CDCP1: variants seen among roughly 807,000 people sequenced by gnomAD.
CDCP1 encodes the protein CUB domain containing protein 1, also known as CUB domain-containing protein 1.
A neutral mutation model predicts 60.2 loss-of-function variants in CDCP1; 29 were observed. That is an observed-to-expected ratio of 0.48 (90% confidence interval 0.36 to 0.66). The LOEUF (loss-of-function observed/expected upper bound fraction) is 0.66. CDCP1 is among the 30% of genes least tolerant of loss of function. CDCP1 has a pLI of 0.00. For synonymous variants in CDCP1, 387 were observed against 431.1 expected (o/e 0.90, Z 1.27); for missense variants, 876 against 1,074.3 (o/e 0.82, Z 2.58).
At chr3:45,109,396 C>T (rs1698649110) in intron 4 of CDCP1, among the ~76,000 whole-genome samples, 1 of 152,058 alleles carries the variant, frequency 6.6e-6, no homozygotes, top group South Asian at 2.1e-4. Context: ...CACGCCATTC[C>T]ACACTCCCAC....
chr3:45,122,205 G>A (rs908023227), intron 1 of CDCP1, among the ~76,000 whole-genome samples: 1 of 150,284 alleles, frequency 6.7e-6, no homozygotes, highest in African/African-American at 2.5e-5. Context: ...GTGCGGTGGC[G>A]CAACCTCGGC....
chr3:45,086,647 C>G (rs1288337468), intron 8 of CDCP1, among the ~76,000 whole-genome samples: 2 of 152,236 alleles, frequency 1.3e-5, no homozygotes, highest in Non-Finnish European at 2.9e-5. Context: ...CAGAGAGACC[C>G]AGTGCCTCAG....
chr3:45,112,431 G>A lies in CDCP1; in HGVS notation c.307C>T (p.Pro103Ser). ...IQKNIDCMSG[P>S]CPFGEVQLQP... ...AGCTGAACCTCCCCAAAAGGACATG[G>A]GCCTGACATACAGTCTGAAAAACAG... The change falls in exon 3 of 9, where the codon CCA becomes TCA. Residue 103 changes from proline (P) to serine (S), a missense_variant. This residue lies in a region of CDCP1 where 150 missense variants were observed against 138.6 expected (regional missense o/e 1.08). Transcript: ENST00000296129. 2 of 1,613,486 alleles carry A rather than the reference G, an allele frequency of 1.2e-6. No individual in the cohort carries two copies.
chr3:45,089,220 G>C (rs1698250375), intron 7 of CDCP1, 79 bp from the exon 8 acceptor site: 1 of 1,142,586 alleles, frequency 8.8e-7, no homozygotes, highest in South Asian at 1.3e-5. Flanking sequence ...ATCTCCAAAA[G>C]CAGCTGCCAT....
At chr3:45,107,066 GCT>G in intron 4 of CDCP1, among the ~76,000 whole-genome samples, 1 of 152,152 alleles carries the variant, frequency 6.6e-6, no homozygotes, top group African/African-American at 2.4e-5. Context: ...ATTCCTACCA[GCT>G]GCGGTCCACT....
chr3:45,122,184 C>T (rs905199282), intron 1 of CDCP1, among the ~76,000 whole-genome samples: 2 of 147,618 alleles, frequency 1.4e-5, no homozygotes, highest in African/African-American at 5.1e-5. Flanking sequence ...CACTCTGTTG[C>T]CCAGGCTGGA....
chr3:45,095,582 C>G lies in CDCP1; in HGVS notation c.1025-14G>C. On this transcript the variant is annotated splice_polypyrimidine_tract_variant and intron_variant, in intron 4 of 8. Transcript: ENST00000296129. ...CGTAGATTTTATCTGAAACCACAAACAGAAAACAGGCATGAAGCATGGATC... is the reference window on the plus strand; with the variant it reads ...CGTAGATTTTATCTGAAACCACAAAGAGAAAACAGGCATGAAGCATGGATC... The G allele has an allele frequency of 1.9e-6, 3 of 1,611,864 alleles. No homozygotes were observed. The highest frequency in any genetic ancestry group is 2.5e-6 in the Non-Finnish European group (3 of 1,178,114).
chr3:45,146,132 G>GC (rs1165504798), intron 1 of CDCP1, 74 bp downstream of exon 1: 2 of 1,320,296 alleles, frequency 1.5e-6, no homozygotes, highest in Non-Finnish European at 2.1e-6. Flanking sequence ...TCCCTCGGCC[G>GC]CATCTCCGCC....
At chr3:45,141,187 T>G (rs1453121600) in intron 1 of CDCP1, among the ~76,000 whole-genome samples, 1 of 148,124 alleles carries the variant, frequency 6.8e-6, no homozygotes, top group Non-Finnish European at 1.5e-5. Flanking sequence ...GGCAACAGAG[T>G]AAGACTCCGT....
At chr3:45,105,656 C>T (rs73089328) in intron 4 of CDCP1, among the ~76,000 whole-genome samples, 9,259 of 152,180 alleles carry the variant, frequency 0.061, 327 homozygotes, top group African/African-American at 0.091. Flanking sequence ...AAGGCTCTCC[C>T]TAAAGCCTTA....
chr3:45,107,821 G>A (rs955973795), intron 4 of CDCP1, among the ~76,000 whole-genome samples: 1 of 151,944 alleles, frequency 6.6e-6, no homozygotes, highest in Admixed American at 6.6e-5. Context: ...AAATGAGAGA[G>A]AATAAAGAAT....
At chr3:45,098,777 TTGC>T (rs1698443966) in intron 4 of CDCP1, among the ~76,000 whole-genome samples, 2 of 152,230 alleles carry the variant, frequency 1.3e-5, no homozygotes, top group Non-Finnish European at 2.9e-5. Context: ...CTACACTATA[TTGC>T]ATGCTATAAT....
At chr3:45,144,637 T>C (rs534764705) in intron 1 of CDCP1, among the ~76,000 whole-genome samples, 1 of 152,292 alleles carries the variant, frequency 6.6e-6, no homozygotes, top group East Asian at 1.9e-4. Context: ...ATGCCTTGAT[T>C]AACACCCTGT....
At chr3:45,087,219 C>A (rs1698210027) in intron 8 of CDCP1, among the ~76,000 whole-genome samples, 1 of 152,192 alleles carries the variant, frequency 6.6e-6, no homozygotes, top group African/African-American at 2.4e-5. Context: ...CAGGAAGTAC[C>A]CGCTTAGTGA....
chr3:45,146,337 C>T lies in CDCP1; in HGVS notation c.-50G>A, dbSNP rs1213649252. On this transcript the variant is annotated 5_prime_UTR_variant, in exon 1 of 9. Coordinates refer to ENST00000296129, the MANE Select transcript of CDCP1 (RefSeq NM_022842.5). Reference sequence around the variant, plus strand: ...TGGGGAAAACGACGGTGGGGAGCGGCGGCCCCAGGCGCCCAAGCCCGGCGC... The same window carrying T: ...TGGGGAAAACGACGGTGGGGAGCGGTGGCCCCAGGCGCCCAAGCCCGGCGC... 1 of 1,476,136 alleles carries T rather than the reference C, an allele frequency of 6.8e-7. No individual in the cohort carries two copies. Among genetic ancestry groups the T allele is most frequent in the Non-Finnish European group, 9.1e-7 (1 of 1,103,970 alleles). The allele number at this position is 1,476,136 out of a possible 1,614,324, so 91.4% of individuals were successfully genotyped here.
intron 1 of CDCP1, among the ~76,000 whole-genome samples, chr3:45,122,591 A>T (rs1698905568): frequency 6.6e-6 from 1 of 150,950 alleles, no homozygotes; most frequent in African/African-American, 2.4e-5. Flanking sequence ...AGTAGCTGGG[A>T]CTACAGGTGT....
rs1402307689 is a variant in CDCP1, at chr3:45,083,923, A to AT, written c.*1714_*1715insA. ...GATCCTGTCTCACATTAAAAAAAAA[A>AT]AGAAAAAGAAAAAGAAAAAAAAGAA... On this transcript the variant is annotated 3_prime_UTR_variant, in exon 9 of 9. Coordinates refer to ENST00000296129, the MANE Select transcript of CDCP1 (RefSeq NM_022842.5). 2.0e-5 allele frequency: 3 copies of AT among 151,976 alleles called. No homozygotes were observed. Among genetic ancestry groups the AT allele is most frequent in the Non-Finnish European group, 4.4e-5 (3 of 68,000 alleles). 9.4% of individuals were successfully genotyped at this position (151,976 alleles called of 1,614,324 possible).
intron 1 of CDCP1, among the ~76,000 whole-genome samples, chr3:45,130,892 G>T (rs1167638017): frequency 6.6e-6 from 1 of 151,984 alleles, no homozygotes; most frequent in Non-Finnish European, 1.5e-5. Flanking sequence ...TCAGTGACAG[G>T]GTCTCGTTTT....
In CDCP1 at chr3:45,083,983, C is replaced by G. The variant is rs149004814; in HGVS notation, c.*1655G>C. 6.6e-6 allele frequency: 1 copy of G among 151,914 alleles called. No homozygotes were observed. The highest frequency in any genetic ancestry group is 1.9e-4 in the East Asian group (1 of 5,158). The allele number at this position is 151,914 out of a possible 1,614,324, so 9.4% of individuals were successfully genotyped here. A position where few individuals can be genotyped will look rare whatever the true frequency, so the allele number is the denominator to read the frequency against. On this transcript the variant is annotated 3_prime_UTR_variant, in exon 9 of 9. Coordinates refer to ENST00000296129, the MANE Select transcript of CDCP1 (RefSeq NM_022842.5). ...TGTGAGCACACATTGGTCTCATGGT[C>G]TACTCACCTGATTAGAGATTAATCC...
Sources: gnomAD v4.1 joint callset for allele counts (sites outside exome capture counted in the v4.1 genomes callset) on GRCh38, gnomAD v4.1.1 for gene constraint, gnomAD v4.1.1 regional missense constraint, MANE v1.5 for transcripts, NCBI Gene and HGNC (gene_info 2026-07-23, HGNC 2026-07-21) for gene names.